Variants in OPCML observed in about 807,000 individuals in gnomAD.
OPCML encodes the protein opioid-binding protein/cell adhesion molecule.
In OPCML, 13 loss-of-function variants were observed where a neutral mutation model predicts 37.8. That is an observed-to-expected ratio of 0.34 (90% CI 0.22 to 0.55). OPCML has a LOEUF of 0.55. Among genes scored for constraint, OPCML ranks in the 20% least tolerant of loss-of-function variants. The pLI, the probability that OPCML is intolerant of heterozygous loss-of-function variation, is 0.91. For missense variants in OPCML, 341 were observed against 435.6 expected, an observed-to-expected ratio of 0.78 and a Z score of 1.93; for synonymous variants, 176 against 168.8, an observed-to-expected ratio of 1.04 and a Z score of -0.33.
At chr11:132,467,887 G>A (rs1053293096) in intron 4 of OPCML, among the ~76,000 whole-genome samples, 12 of 152,146 alleles carry the variant, frequency 7.9e-5, no homozygotes, top group African/African-American at 2.9e-4. Flanking sequence ...TCAAAAGCCA[G>A]GAGAGCTGAC....
At chr11:132,758,038 C>A (rs555913681) in intron 2 of OPCML, among the ~76,000 whole-genome samples, 144 of 152,244 alleles carry the variant, frequency 9.5e-4, no homozygotes, top group African/African-American at 2.7e-3. Flanking sequence ...TTTCCCAACA[C>A]CATTTATTAA....
chr11:133,003,951 C>G, intron 1 of OPCML: 1 of 985,446 alleles, frequency 1.0e-6, no homozygotes, highest in Non-Finnish European at 1.2e-6. Context: ...ACCCGGCACA[C>G]TGTCCCGTGG....
Position 133,478,876 on chromosome 11 carries a change from TGTGGC to T in OPCML, c.61+53383_61+53387del, listed in dbSNP as rs547547263. On this transcript the variant is annotated intron_variant, in intron 1 of 7. Transcript: ENST00000524381. ...GAATGCCTGCTACTCACCCTGGAGC[TGTGGC>T]ACCTGAGGCACCAGAGTTAAATAAA... Among the ~76,000 whole-genome samples the T allele has an allele frequency of 1.5e-3, 229 of 152,212 alleles. 1 individual carries two copies. The highest frequency in any genetic ancestry group is 6.8e-3 in the Middle Eastern group (2 of 294).
intron 2 of OPCML, among the ~76,000 whole-genome samples, chr11:132,816,963 C>T (rs1939672728): frequency 6.6e-6 from 1 of 152,248 alleles, no homozygotes; most frequent in South Asian, 2.1e-4. Context: ...CTCAGAAAGG[C>T]GTTTCTGTGC....
At chr11:132,817,484 T>A (rs949971459) in intron 2 of OPCML, among the ~76,000 whole-genome samples, 13 of 151,970 alleles carry the variant, frequency 8.6e-5, no homozygotes, top group South Asian at 4.1e-4. Context: ...GGAAAAAAAA[T>A]TTTTAAAGGG....
At chr11:133,478,699 A>G (rs750539479) in intron 1 of OPCML, among the ~76,000 whole-genome samples, 1 of 152,234 alleles carries the variant, frequency 6.6e-6, no homozygotes, top group African/African-American at 2.4e-5. Context: ...TAGACAAACT[A>G]AAACGATACT....
At chr11:133,091,861 C>A (rs1055310798) in intron 1 of OPCML, among the ~76,000 whole-genome samples, 2 of 152,048 alleles carry the variant, frequency 1.3e-5, no homozygotes, top group African/African-American at 4.8e-5. Context: ...TGCTGAAATG[C>A]ATTAAGACTT....
intron 4 of OPCML, among the ~76,000 whole-genome samples, chr11:132,497,384 C>T (rs558906262): frequency 1.6e-5 from 2 of 128,770 alleles, no homozygotes; most frequent in East Asian, 4.7e-4. Flanking sequence ...ATGCCTGGCA[C>T]ATGTACCCCT....
Position 133,273,443 on chromosome 11 carries a change from C to T in OPCML, c.61+258821G>A, listed in dbSNP as rs150375872. 8.9e-3 allele frequency among the ~76,000 whole-genome samples: 1,359 copies of T among 152,262 alleles called. 21 individuals carry two copies. Among genetic ancestry groups the T allele is most frequent in the African/African-American group, 0.03 (1,239 of 41,546 alleles). On this transcript the variant is annotated intron_variant, in intron 1 of 7. Transcript: ENST00000524381. ...TCCTGAGGAGCTGAGGAACTGACCC[C>T]ACAGCCCTCAACAAGTTCCCACCAT...
At chr11:132,422,995 T>C (rs938584914) in intron 7 of OPCML, among the ~76,000 whole-genome samples, 1 of 152,218 alleles carries the variant, frequency 6.6e-6, no homozygotes, top group Non-Finnish European at 1.5e-5. Context: ...TTTGATGACC[T>C]GTGAGGTCCT....
chr11:133,217,381 G>A (rs2136354073), intron 1 of OPCML, among the ~76,000 whole-genome samples: 1 of 152,308 alleles, frequency 6.6e-6, no homozygotes, highest in South Asian at 2.1e-4. Context: ...CTCAAGGCCT[G>A]AAGGTTTGCA....
In OPCML at chr11:132,818,608, TGATA is replaced by T. The variant is rs79980111; in HGVS notation, c.146+124314_146+124317del. 7.7e-5 allele frequency among the ~76,000 whole-genome samples: 10 copies of T among 129,192 alleles called. No homozygotes were observed. In the South Asian group the frequency reaches 1.8e-3, roughly 23 times the overall value. 84.8% of individuals were successfully genotyped at this position (129,192 alleles called of 152,430 possible). A position where few individuals can be genotyped will look rare whatever the true frequency, so the allele number is the denominator to read the frequency against. ...TCTCTTAGATAGATAGATAGATAGA[TGATA>T]GATAGATAGATAAACACATAGATAG... On this transcript the variant is annotated intron_variant, in intron 2 of 7. Coordinates refer to ENST00000524381, the MANE Select transcript of OPCML (RefSeq NM_001012393.5).
chr11:132,726,819 T>A (rs1218734019), intron 2 of OPCML, among the ~76,000 whole-genome samples: 1 of 152,144 alleles, frequency 6.6e-6, no homozygotes, highest in Non-Finnish European at 1.5e-5. Context: ...TTACCGCTCA[T>A]CCAACAGACG....
chr11:132,537,539 C>A (rs185124319), intron 3 of OPCML, among the ~76,000 whole-genome samples: 41 of 152,230 alleles, frequency 2.7e-4, no homozygotes, highest in African/African-American at 8.4e-4. Flanking sequence ...CTTAGCTATA[C>A]CACAAGAAGC....
chr11:132,805,359 A>C (rs973600947), intron 2 of OPCML, among the ~76,000 whole-genome samples: 1 of 152,074 alleles, frequency 6.6e-6, no homozygotes, highest in Admixed American at 6.6e-5. Context: ...GAAGAAGAAG[A>C]GAGTGACATT....
At chr11:132,633,318 T>C (rs1940273356) in intron 3 of OPCML, among the ~76,000 whole-genome samples, 1 of 152,192 alleles carries the variant, frequency 6.6e-6, no homozygotes, top group South Asian at 2.1e-4. Flanking sequence ...TTCTCCTGCC[T>C]CAGCCTCCCG....
chr11:133,269,992 G>C (rs904593388), intron 1 of OPCML, among the ~76,000 whole-genome samples: 1 of 152,094 alleles, frequency 6.6e-6, no homozygotes, highest in African/African-American at 2.4e-5. Flanking sequence ...ATACAAGAAG[G>C]CTTAAATAAA....
At chr11:133,047,177 T>C (rs1457844238) in intron 1 of OPCML, among the ~76,000 whole-genome samples, 3 of 152,196 alleles carry the variant, frequency 2.0e-5, no homozygotes, top group Non-Finnish European at 4.4e-5. Flanking sequence ...TGGAAATATG[T>C]GTCACCTTCT....
intron 2 of OPCML, among the ~76,000 whole-genome samples, chr11:132,689,819 C>A (rs1417247430): frequency 2.0e-5 from 3 of 152,128 alleles, no homozygotes; most frequent in Non-Finnish European, 4.4e-5. Flanking sequence ...AAGAATGGGG[C>A]AGATGCATTT....
Sources: gnomAD v4.1 joint callset for allele counts (sites outside exome capture counted in the v4.1 genomes callset) on GRCh38, gnomAD v4.1.1 for gene constraint, MANE v1.5 for transcripts, NCBI Gene and HGNC (gene_info 2026-07-23, HGNC 2026-07-21) for gene names.